The following VAV3 variants were observed in gnomAD, a reference collection of about 807,000 sequenced individuals.
VAV3 encodes guanine nucleotide exchange factor VAV3.
A neutral mutation model predicts 131.2 loss-of-function variants in VAV3; 94 were observed. That is an observed-to-expected ratio of 0.72 (90% CI 0.61 to 0.85). The LOEUF is 0.85. Ranked by LOEUF, VAV3 falls within the 40% of genes least tolerant of loss-of-function variation. VAV3 has a pLI of 0.00. For missense variants in VAV3, 939 were observed against 1,002.7 expected (o/e 0.94, Z 0.86); for synonymous variants, 349 against 342.0 (o/e 1.02, Z -0.22).
chr1:107,892,758 CA>C (rs1671371635), intron 1 of VAV3, among the ~76,000 whole-genome samples: 1 of 152,138 alleles, frequency 6.6e-6, no homozygotes. Flanking sequence ...TTCTGAAAAT[CA>C]AGTATTAGGT....
At chr1:107,784,382 C>T (rs1665870575) in intron 2 of VAV3, among the ~76,000 whole-genome samples, 2 of 152,098 alleles carry the variant, frequency 1.3e-5, no homozygotes, top group Admixed American at 1.3e-4. Flanking sequence ...AATGATTTAG[C>T]CATTCTCTTG....
intron 1 of VAV3, among the ~76,000 whole-genome samples, chr1:107,899,530 C>T (rs1339196946): frequency 6.6e-6 from 1 of 152,104 alleles, no homozygotes; most frequent in Non-Finnish European, 1.5e-5. Flanking sequence ...CAGTTAACTA[C>T]ACATTGAGGG....
At chr1:107,942,467 A>C (rs983203934) in intron 1 of VAV3, among the ~76,000 whole-genome samples, 1 of 152,150 alleles carries the variant, frequency 6.6e-6, no homozygotes, top group African/African-American at 2.4e-5. Context: ...CTGGTAAAAA[A>C]ATTTCAGATC....
rs201294174 is a variant in VAV3 at position 107,922,452 on chromosome 1, T to TA, written c.204+42213dup. 6.5e-3 allele frequency among the ~76,000 whole-genome samples: 984 copies of TA among 152,312 alleles called. 11 individuals carry two copies. Among genetic ancestry groups the TA allele is most frequent in the African/African-American group, 0.023 (944 of 41,570 alleles). On this transcript the variant is annotated intron_variant, in intron 1 of 26. Transcript: ENST00000370056. ...GATTTATATTGTGACTTTCACTTTT[T>TA]AAAGTTTTATATGAATATATATCTA...
intron 21 of VAV3, among the ~76,000 whole-genome samples, chr1:107,610,305 C>T (rs776901454): frequency 5.9e-5 from 9 of 151,834 alleles, no homozygotes; most frequent in Middle Eastern, 3.2e-3. Context: ...TTAAGAAAAC[C>T]GAATAGCACT....
chr1:107,616,469 A>G (rs1409049692), intron 21 of VAV3, among the ~76,000 whole-genome samples: 1 of 152,180 alleles, frequency 6.6e-6, no homozygotes, highest in Non-Finnish European at 1.5e-5. Context: ...GAGGATCTAA[A>G]CACTACCTAT....
chr1:107,588,490 T>C (rs1347339213), intron 25 of VAV3, among the ~76,000 whole-genome samples: 1 of 152,202 alleles, frequency 6.6e-6, no homozygotes. Flanking sequence ...GCAGCAGTAG[T>C]AATAGCAGGA....
chr1:107,632,737 C>CT (rs1306244026), intron 20 of VAV3, among the ~76,000 whole-genome samples: 2 of 152,220 alleles, frequency 1.3e-5, no homozygotes, highest in African/African-American at 2.4e-5. Context: ...TTAGCAGTGT[C>CT]TGAGTAGTGA....
At chr1:107,744,134 G>A (rs6583044) in intron 15 of VAV3, among the ~76,000 whole-genome samples, 21,608 of 152,112 alleles carry the variant, frequency 0.14, 1,707 homozygotes, top group South Asian at 0.26. Context: ...ACAGGATAGT[G>A]CATCCTGGTC....
intron 2 of VAV3, among the ~76,000 whole-genome samples, chr1:107,797,354 C>T (rs11185180): frequency 0.13 from 19,322 of 152,182 alleles, 1,333 homozygotes; most frequent in Non-Finnish European, 0.14. Context: ...TATTGAGTAT[C>T]TGCATATGCC....
At chr1:107,877,702 T>A (rs751190084) in intron 1 of VAV3, among the ~76,000 whole-genome samples, 57 of 152,186 alleles carry the variant, frequency 3.7e-4, no homozygotes, top group Admixed American at 8.5e-4. Flanking sequence ...CACCCCTTTA[T>A]TTATGTATTT....
intron 2 of VAV3, among the ~76,000 whole-genome samples, chr1:107,848,172 G>C (rs938584388): frequency 9.9e-5 from 15 of 152,156 alleles, no homozygotes; most frequent in African/African-American, 2.9e-4. Flanking sequence ...AATTAGTTGG[G>C]CATGGTGGCA....
Position 107,683,588 on chromosome 1 carries a change from A to G in VAV3, c.1732-55T>C, listed in dbSNP as rs1016607908. Reference sequence around the variant, plus strand: ...AAATATGTGTTGGTAATTTTGCACTATTAAATTGTATTACTACTGGCACTT... The same window carrying G: ...AAATATGTGTTGGTAATTTTGCACTGTTAAATTGTATTACTACTGGCACTT... On this transcript the variant is annotated intron_variant, in intron 18 of 26. Coordinates refer to ENST00000370056, the MANE Select transcript of VAV3 (RefSeq NM_006113.5). 17 of 1,551,556 alleles carry G rather than the reference A, an allele frequency of 1.1e-5. No individual in the cohort carries two copies. The African/African-American group carries it at 2.0e-4, about 19-fold the overall frequency.
In VAV3 at chr1:107,772,764, A is replaced by C; in HGVS notation, c.526T>G (p.Leu176Val). 6.2e-7 allele frequency: 1 copy of C among 1,613,808 alleles called. No homozygotes were observed. Among genetic ancestry groups the C allele is most frequent in the Non-Finnish European group, 8.5e-7 (1 of 1,179,850 alleles). Residue 176 changes from leucine to valine, a missense_variant, in exon 5 of 27, where the codon TTA becomes GTA. Transcript: ENST00000370056. Reference sequence around the variant, plus strand: ...TGATGTGCTTCCTCTGCCTTCATTAAGTCCTCATAGACTTCTCCACCTTCA... The same window carrying C: ...TGATGTGCTTCCTCTGCCTTCATTACGTCCTCATAGACTTCTCCACCTTCA... Reference protein sequence around the residue: ...EDEGGEVYEDLMKAEEAHQPK... With the variant: ...EDEGGEVYEDVMKAEEAHQPK...
chr1:107,751,201 T>C lies in VAV3; in HGVS notation c.1175A>G (p.Asn392Ser), dbSNP rs1663701350. The C allele has an allele frequency of 3.7e-6, 6 of 1,608,338 alleles. No individual in the cohort carries two copies. Among genetic ancestry groups the C allele is most frequent in the Non-Finnish European group, 5.1e-6 (6 of 1,178,262 alleles). ...TCGTCCAAAAAGCAAAACTGGTTGGTTCTAAAATATAAAATGCACATGTCA... is the reference window on the plus strand; with the variant it reads ...TCGTCCAAAAAGCAAAACTGGTTGGCTCTAAAATATAAAATGCACATGTCA... The part of the protein sequence containing the change: ...KQFQLSIENL[N>S]QPVLLFGRPQ... The change falls in exon 13 of 27, where the codon AAC becomes AGC. Residue 392 changes from asparagine (N) to serine (S), a missense_variant and splice_region_variant. Transcript: ENST00000370056.
chr1:107,631,315 A>G (rs1190073418), intron 20 of VAV3, among the ~76,000 whole-genome samples: 1 of 152,066 alleles, frequency 6.6e-6, no homozygotes, highest in Non-Finnish European at 1.5e-5. Flanking sequence ...TGCAGGCATA[A>G]TACATGTTTA....
intron 2 of VAV3, among the ~76,000 whole-genome samples, chr1:107,795,638 C>T (rs567761342): frequency 5.9e-5 from 9 of 152,336 alleles, no homozygotes; most frequent in African/African-American, 2.2e-4. Context: ...TGATAACAAC[C>T]TGAATCAAGA....
chr1:107,617,638 GAA>G lies in VAV3; in HGVS notation c.1915-8_1915-7del, dbSNP rs5776894. On this transcript the variant is annotated splice_polypyrimidine_tract_variant and splice_region_variant and intron_variant, in intron 20 of 26. Coordinates refer to ENST00000370056, the MANE Select transcript of VAV3 (RefSeq NM_006113.5). ...CCAGATGCTAAATTTCTGCCCTAAGGAAAAAAAAAAAATGCCAGTGTTGAGAA... is the reference window on the plus strand; with the variant it reads ...CCAGATGCTAAATTTCTGCCCTAAGGAAAAAAAAAATGCCAGTGTTGAGAA... 1.3e-3 allele frequency: 1,861 copies of G among 1,387,008 alleles called. No homozygotes were observed. The highest frequency in any genetic ancestry group is 2.4e-3 in the Admixed American group (124 of 51,048). The allele number at this position is 1,387,008 out of a possible 1,614,324, so 85.9% of individuals were successfully genotyped here. A position where few individuals can be genotyped will look rare whatever the true frequency, so the allele number is the denominator to read the frequency against.
intron 1 of VAV3, among the ~76,000 whole-genome samples, chr1:107,895,531 T>C (rs1237424018): frequency 6.6e-6 from 1 of 152,158 alleles, no homozygotes; most frequent in Non-Finnish European, 1.5e-5. Flanking sequence ...AGTTGCCCAA[T>C]GTCATACAGC....
Sources: gnomAD v4.1 joint callset for allele counts (sites outside exome capture counted in the v4.1 genomes callset) on GRCh38, gnomAD v4.1.1 for gene constraint, MANE v1.5 for transcripts, NCBI Gene and HGNC (gene_info 2026-07-23, HGNC 2026-07-21) for gene names.